Variants in ANO1 observed in about 807,000 individuals in gnomAD.
ANO1 encodes the protein anoctamin-1.
ANO1 carries 59 observed loss-of-function variants against 124.0 expected under a neutral mutation model. The ratio of observed to expected loss-of-function variants is 0.48; its 90% CI spans 0.39 to 0.59. The LOEUF is 0.59. Among genes scored for constraint, ANO1 ranks in the 20% least tolerant of loss-of-function variants. The pLI is 0.00. For missense variants in ANO1, 1,059 were observed against 1,328.0 expected (o/e 0.80, Z 3.15); for synonymous variants, 529 against 532.0 (o/e 0.99, Z 0.08).
rs191564014 is a variant in ANO1 at position 70,091,347 on chromosome 11, A to T, written c.441+3263A>T. Among the ~76,000 whole-genome samples, 51 of 152,306 alleles carry T rather than the reference A, an allele frequency of 3.3e-4. No individual in the cohort carries two copies. In the East Asian group the frequency reaches 7.3e-3, roughly 22 times the overall value. ...CTTTCCTGGGGAGAAAAATCCACAG[A>T]GTCTATCAGATTCTCACACTGTCTA... On this transcript the variant is annotated intron_variant, in intron 2 of 25. Transcript: ENST00000355303.
At chr11:70,103,897 G>T in intron 3 of ANO1, 102 bp from the exon 4 acceptor site, 1 of 1,327,854 alleles carries the variant, frequency 7.5e-7, no homozygotes. Context: ...AGGACGCCCC[G>T]TTGCATGGGG....
In ANO1 at chr11:70,078,659, ACAT is replaced by A; in HGVS notation, c.59_61del (p.Ile20del). On this transcript the variant is annotated inframe_deletion, in exon 1 of 26. Transcript: ENST00000355303. ...CTCCCGGCCGAGGACCGCAGCGTCC[ACAT>A]CATCAACATCTGCGCCATCGAGGAC... 3 of 1,499,942 alleles carry A rather than the reference ACAT, an allele frequency of 2.0e-6. No individual in the cohort carries two copies. The highest frequency in any genetic ancestry group is 2.7e-6 in the Non-Finnish European group (3 of 1,113,910). 92.9% of individuals were successfully genotyped at this position (1,499,942 alleles called of 1,614,324 possible).
chr11:70,144,766 C>T (rs4536248), intron 11 of ANO1, among the ~76,000 whole-genome samples: 13,025 of 152,292 alleles, frequency 0.086, 760 homozygotes, highest in Middle Eastern at 0.15. Context: ...CTTCATTGTA[C>T]ACTCATGTGG....
chr11:69,994,191 C>T (rs782097777), intron 1 of ANO1, among the ~76,000 whole-genome samples: 8 of 152,008 alleles, frequency 5.3e-5, no homozygotes, highest in African/African-American at 7.3e-5. Flanking sequence ...ACCCTTGCAC[C>T]GTGTTCTTGG....
chr11:70,092,784 G>T (rs1052442254), intron 2 of ANO1, among the ~76,000 whole-genome samples: 5 of 152,184 alleles, frequency 3.3e-5, no homozygotes, highest in Non-Finnish European at 7.4e-5. Context: ...CCCAGGGCCG[G>T]CTCCAGAGAG....
intron 1 of ANO1, among the ~76,000 whole-genome samples, chr11:69,989,282 G>A (rs1856109383): frequency 6.6e-6 from 1 of 152,228 alleles, no homozygotes; most frequent in Non-Finnish European, 1.5e-5. Context: ...TACCATTCAG[G>A]GAGGATAGAA....
chr11:70,131,677 G>A (rs2046765125), intron 10 of ANO1, among the ~76,000 whole-genome samples: 1 of 152,224 alleles, frequency 6.6e-6, no homozygotes, highest in South Asian at 2.1e-4. Flanking sequence ...CAAGCATGAG[G>A]CCCTGCTGAG....
chr11:70,177,912 A>C (rs2048787874), intron 22 of ANO1, among the ~76,000 whole-genome samples: 1 of 152,150 alleles, frequency 6.6e-6, no homozygotes, highest in Non-Finnish European at 1.5e-5. Flanking sequence ...ATTTTTTAAA[A>C]TACATTTTCC....
At chr11:70,068,910 G>T (rs1015277741) in intron 1 of ANO1, among the ~76,000 whole-genome samples, 1 of 152,308 alleles carries the variant, frequency 6.6e-6, no homozygotes, top group East Asian at 1.9e-4. Context: ...CAAGCTGATG[G>T]TCCCCAATGT....
At chr11:70,182,378 C>T in intron 23 of ANO1, 124 bp from the exon 24 acceptor site, 1 of 768,778 alleles carries the variant, frequency 1.3e-6, no homozygotes, top group Non-Finnish European at 1.9e-6. Context: ...CGGCTATGGT[C>T]CCCGCCAGAG....
chr11:70,078,751 G>C, intron 1 of ANO1, 37 bp downstream of exon 1: 2 of 1,352,078 alleles, frequency 1.5e-6, no homozygotes, highest in East Asian at 7.4e-5. Context: ...CGGGAGGGCC[G>C]CGCACCTGCG....
intron 1 of ANO1, among the ~76,000 whole-genome samples, chr11:69,996,285 C>T (rs1284126717): frequency 6.6e-6 from 1 of 152,170 alleles, no homozygotes; most frequent in Non-Finnish European, 1.5e-5. Context: ...CATCAGCATT[C>T]CTCATTCCTA....
chr11:70,034,485 T>C (rs1292233898), intron 1 of ANO1, among the ~76,000 whole-genome samples: 1 of 152,174 alleles, frequency 6.6e-6, no homozygotes, highest in African/African-American at 2.4e-5. Context: ...CTTTCTTCTT[T>C]CATGATCAAA....
At chr11:70,109,651 G>A (rs1284915958) in intron 6 of ANO1, among the ~76,000 whole-genome samples, 1 of 152,236 alleles carries the variant, frequency 6.6e-6, no homozygotes, top group Non-Finnish European at 1.5e-5. Flanking sequence ...CTAGAGGTAA[G>A]GAGGAGGCAT....
At chr11:70,021,883 A>G (rs898710452) in intron 1 of ANO1, among the ~76,000 whole-genome samples, 3 of 152,192 alleles carry the variant, frequency 2.0e-5, no homozygotes, top group African/African-American at 4.8e-5. Context: ...AAGAGTGCGC[A>G]GAGTATTTTA....
At chr11:69,990,943 T>C (rs1453125457) in intron 1 of ANO1, among the ~76,000 whole-genome samples, 2 of 152,222 alleles carry the variant, frequency 1.3e-5, no homozygotes, top group Non-Finnish European at 2.9e-5. Context: ...TAATGTCCTT[T>C]GATGTACAAA....
intron 1 of ANO1, among the ~76,000 whole-genome samples, chr11:70,068,260 G>C (rs150361577): frequency 4.9e-4 from 75 of 152,348 alleles, no homozygotes; most frequent in African/African-American, 1.6e-3. Context: ...GCAAGTGTCC[G>C]TGCAGGGGTT....
At chr11:70,001,751 A>G (rs914629784) in intron 1 of ANO1, among the ~76,000 whole-genome samples, 5 of 151,492 alleles carry the variant, frequency 3.3e-5, no homozygotes, top group South Asian at 2.1e-4. Context: ...TTTTCTGTAT[A>G]TATCTGTGAC....
At chr11:70,019,160 CTG>C (rs1420242860) in intron 1 of ANO1, among the ~76,000 whole-genome samples, 1 of 151,972 alleles carries the variant, frequency 6.6e-6, no homozygotes. Context: ...AAGCAGGCCT[CTG>C]TGGAAGGGGT....
Sources: allele counts gnomAD v4.1 joint callset (sites outside exome capture counted in the v4.1 genomes callset), GRCh38; gene constraint gnomAD v4.1.1; transcripts MANE v1.5; gene names NCBI Gene and HGNC (gene_info 2026-07-23, HGNC 2026-07-21).